RBMS3: variants seen among roughly 807,000 people sequenced by gnomAD.
RBMS3 encodes RNA binding motif single stranded interacting protein 3.
Under a neutral mutation model 66.8 loss-of-function variants are expected in RBMS3, and 27 were observed. That is an observed-to-expected ratio of 0.40 (90% CI 0.30 to 0.56). RBMS3 has a LOEUF of 0.56. Among genes scored for constraint, RBMS3 ranks in the 20% least tolerant of loss-of-function variants. The pLI is 0.40. For missense variants in RBMS3, 513 were observed against 549.5 expected (o/e 0.93, Z 0.66); for synonymous variants, 188 against 183.0 (o/e 1.03, Z -0.22).
chr3:29,758,982 T>G (rs894751340), intron 5 of RBMS3, among the ~76,000 whole-genome samples: 1 of 152,114 alleles, frequency 6.6e-6, no homozygotes, highest in Non-Finnish European at 1.5e-5. Flanking sequence ...GATGGGTTTG[T>G]TTTAAATACA....
chr3:29,328,008 A>C (rs1430371861), intron 1 of RBMS3, among the ~76,000 whole-genome samples: 2 of 152,178 alleles, frequency 1.3e-5, no homozygotes, highest in Non-Finnish European at 2.9e-5. Flanking sequence ...CTATGACCAA[A>C]GAAAGAAGAG....
intron 9 of RBMS3, among the ~76,000 whole-genome samples, chr3:29,899,419 T>A (rs1421312565): frequency 1.3e-5 from 2 of 151,666 alleles, no homozygotes; most frequent in African/African-American, 4.8e-5. Context: ...TCCTAAAACT[T>A]TAGCGTTCAA....
intron 12 of RBMS3, among the ~76,000 whole-genome samples, chr3:29,963,756 G>A (rs766255892): frequency 2.4e-4 from 37 of 151,562 alleles, no homozygotes; most frequent in African/African-American, 8.5e-4. Flanking sequence ...GAACCCTGGA[G>A]GCAGATGTTG....
chr3:29,692,264 G>T lies in RBMS3; in HGVS notation c.400-47456G>T, dbSNP rs2052059764. Among the ~76,000 whole-genome samples the T allele has an allele frequency of 2.6e-5, 4 of 151,956 alleles. No homozygotes were observed. In the South Asian group the frequency reaches 6.2e-4, roughly 24 times the overall value. ...CCCAAAGTGCTAGGATTACAGGTGT[G>T]AGCCACCGCGCCCGACCTCTATATT... On this transcript the variant is annotated intron_variant, in intron 4 of 14. Coordinates refer to ENST00000383767, the MANE Select transcript of RBMS3 (RefSeq NM_001003793.3).
At chr3:29,582,260 A>G (rs1184562206) in intron 3 of RBMS3, among the ~76,000 whole-genome samples, 1 of 152,204 alleles carries the variant, frequency 6.6e-6, no homozygotes, top group Non-Finnish European at 1.5e-5. Flanking sequence ...TAAAAATAGC[A>G]AAACTTTAAA....
chr3:29,815,924 A>G (rs532125844), intron 6 of RBMS3, among the ~76,000 whole-genome samples: 4 of 151,536 alleles, frequency 2.6e-5, no homozygotes, highest in Non-Finnish European at 4.4e-5. Context: ...CCTGTACTCC[A>G]AAAACTATTG....
intron 1 of RBMS3, among the ~76,000 whole-genome samples, chr3:29,430,306 C>G (rs548502126): frequency 6.6e-6 from 1 of 151,780 alleles, no homozygotes; most frequent in Non-Finnish European, 1.5e-5. Context: ...GAAAATCGAC[C>G]GCTTTCAGCA....
chr3:29,452,873 G>T (rs924292294), intron 2 of RBMS3, among the ~76,000 whole-genome samples: 2 of 152,094 alleles, frequency 1.3e-5, no homozygotes, highest in African/African-American at 4.8e-5. Context: ...GTTCTAAGAG[G>T]TCACTAAAAT....
intron 6 of RBMS3, among the ~76,000 whole-genome samples, chr3:29,810,215 A>T (rs2149456994): frequency 6.6e-6 from 1 of 152,242 alleles, no homozygotes; most frequent in Non-Finnish European, 1.5e-5. Flanking sequence ...AGAACAAGAG[A>T]CATGATGAGT....
intron 1 of RBMS3, among the ~76,000 whole-genome samples, chr3:29,412,232 G>T (rs2040295794): frequency 6.6e-6 from 1 of 152,046 alleles, no homozygotes; most frequent in South Asian, 2.1e-4. Context: ...GAAATGGGTG[G>T]GTGTATTCTC....
intron 2 of RBMS3, among the ~76,000 whole-genome samples, chr3:29,464,308 T>G (rs2042467441): frequency 2.0e-5 from 3 of 152,178 alleles, no homozygotes; most frequent in South Asian, 2.1e-4. Context: ...AACCACCTTC[T>G]AAGGAAGCTG....
chr3:29,944,369 T>G (rs1695157379), intron 12 of RBMS3, 115 bp downstream of exon 12: 6 of 846,664 alleles, frequency 7.1e-6, no homozygotes, highest in African/African-American at 1.7e-5. Context: ...TGCAGGAAAT[T>G]TGAATTCCAG....
Position 29,762,947 on chromosome 3 carries a change from C to T in RBMS3, c.595C>T (p.His199Tyr). 1 of 1,610,232 alleles carries T rather than the reference C, an allele frequency of 6.2e-7. No individual in the cohort carries two copies. Among genetic ancestry groups the T allele is most frequent in the Non-Finnish European group, 8.5e-7 (1 of 1,177,804 alleles). Residue 199 changes from histidine (H) to tyrosine (Y), a missense_variant, in exon 6 of 15, where the codon CAT (histidine) becomes TAT (tyrosine). Physicochemically the swap from His to Tyr is moderately conservative, Grantham distance 83. Coordinates refer to ENST00000383767, the MANE Select transcript of RBMS3 (RefSeq NM_001003793.3). ...TGAAAAATGTGAAGTGGTAATTCAA[C>T]ATTTTAATGGAAAATATCTGAAAAC... ...STEKCEVVIQ[H>Y]FNGKYLKTPP...
At chr3:29,668,987 C>T (rs1206148017) in intron 4 of RBMS3, among the ~76,000 whole-genome samples, 10 of 152,190 alleles carry the variant, frequency 6.6e-5, no homozygotes, top group Admixed American at 4.6e-4. Flanking sequence ...TTGACTGATG[C>T]GTTTCCCACT....
chr3:29,928,548 C>T (rs1213866553), intron 10 of RBMS3, among the ~76,000 whole-genome samples: 1 of 151,914 alleles, frequency 6.6e-6, no homozygotes, highest in Non-Finnish European at 1.5e-5. Flanking sequence ...GGGGGCCCTG[C>T]AAAGCAAAGA....
chr3:29,713,592 T>C (rs1236724094), intron 4 of RBMS3, among the ~76,000 whole-genome samples: 7 of 152,132 alleles, frequency 4.6e-5, no homozygotes, highest in African/African-American at 9.7e-5. Context: ...CCAGGAAACT[T>C]CTCTAGTCCT....
At chr3:29,312,532 C>G (rs988615000) in intron 1 of RBMS3, among the ~76,000 whole-genome samples, 1 of 151,714 alleles carries the variant, frequency 6.6e-6, no homozygotes, top group Non-Finnish European at 1.5e-5. Context: ...ATTTAAATCA[C>G]TAATTAATTC....
intron 1 of RBMS3, among the ~76,000 whole-genome samples, chr3:29,346,725 A>G (rs187410995): frequency 6.6e-6 from 1 of 152,180 alleles, no homozygotes; most frequent in Admixed American, 6.5e-5. Context: ...AGAAAACCTG[A>G]ACTATCATGG....
chr3:29,449,365 A>G (rs113333370), intron 2 of RBMS3, among the ~76,000 whole-genome samples: 4,291 of 152,344 alleles, frequency 0.028, 72 homozygotes, highest in Non-Finnish European at 0.042. Context: ...CTACTCAGAC[A>G]AGTCACGATA....
Sources: allele counts gnomAD v4.1 joint callset (sites outside exome capture counted in the v4.1 genomes callset), GRCh38; gene constraint gnomAD v4.1.1; transcripts MANE v1.5; gene names NCBI Gene and HGNC (gene_info 2026-07-23, HGNC 2026-07-21).